SCN2A: variants seen among roughly 807,000 people sequenced by gnomAD.
SCN2A encodes the protein sodium channel protein type 2 subunit alpha.
A neutral mutation model predicts 188.7 loss-of-function variants in SCN2A; 20 were observed. The ratio of observed to expected loss-of-function variants is 0.11; its 90% CI spans 0.07 to 0.15. The LOEUF (loss-of-function observed/expected upper bound fraction) is 0.15, where lower values mean the gene tolerates loss of function less well. Among genes scored for constraint, SCN2A ranks in the 10% least tolerant of loss-of-function variants. SCN2A has a pLI of 1.00. For synonymous variants in SCN2A, 804 were observed against 833.1 expected (o/e 0.97, Z 0.60); for missense variants, 1,278 against 2,445.0 (o/e 0.52, Z 10.07).
chr2:165,347,447 T>TG (rs1368881822), intron 16 of SCN2A, among the ~76,000 whole-genome samples: 4 of 146,070 alleles, frequency 2.7e-5, no homozygotes, highest in African/African-American at 1.0e-4. Flanking sequence ...TGTCGAGGGG[T>TG]GGGGGGCTAG....
intron 26 of SCN2A, among the ~76,000 whole-genome samples, chr2:165,388,287 T>C (rs896062170): frequency 1.3e-5 from 2 of 152,150 alleles, no homozygotes; most frequent in African/African-American, 4.8e-5. Context: ...CTTATGCAAA[T>C]ACTAGAACTA....
At chr2:165,279,575 T>C (rs1265551507) in intron 1 of SCN2A, among the ~76,000 whole-genome samples, 1 of 152,070 alleles carries the variant, frequency 6.6e-6, no homozygotes, top group African/African-American at 2.4e-5. Flanking sequence ...AGTAATTATA[T>C]ATAAAATAGA....
chr2:165,265,026 G>C (rs963419161), intron 1 of SCN2A, among the ~76,000 whole-genome samples: 1 of 152,000 alleles, frequency 6.6e-6, no homozygotes, highest in African/African-American at 2.4e-5. Flanking sequence ...TCAGTCTTTA[G>C]TTGTTTGAGG....
At chr2:165,264,829 T>C (rs4667803) in intron 1 of SCN2A, among the ~76,000 whole-genome samples, 55,744 of 151,944 alleles carry the variant, frequency 0.37, 10,497 homozygotes, top group East Asian at 0.47. Flanking sequence ...CATAATATTC[T>C]GTGTTGTATA....
chr2:165,299,480 A>T (rs1317029719), intron 3 of SCN2A, among the ~76,000 whole-genome samples: 1 of 152,208 alleles, frequency 6.6e-6, no homozygotes, highest in Admixed American at 6.5e-5. Flanking sequence ...ATTAGATTTT[A>T]AAAAGTCTCT....
Position 165,290,770 on chromosome 2 carries a change from A to G in SCN2A, c.-51-5003A>G, listed in dbSNP as rs115967579. On this transcript the variant is annotated intron_variant, in intron 1 of 26. Transcript: ENST00000375437. ...CTTGATTGCAGTAGGACAACTTACT[A>G]TGGGGAAGGAATCTTGTAAGTATCT... 8.3e-4 allele frequency: 819 copies of G among 985,268 alleles called. 3 individuals carry two copies. In the African/African-American group the frequency reaches 0.013, roughly 15 times the overall value. 61.0% of individuals were successfully genotyped at this position (985,268 alleles called of 1,614,324 possible).
At chr2:165,343,195 G>A (rs756966033) in intron 15 of SCN2A, among the ~76,000 whole-genome samples, 2 of 152,110 alleles carry the variant, frequency 1.3e-5, no homozygotes, top group Admixed American at 6.6e-5. Flanking sequence ...GGCTGTACAC[G>A]GTTACTAAGG....
At chr2:165,244,089 A>G (rs1655839591) in intron 1 of SCN2A, among the ~76,000 whole-genome samples, 1 of 152,014 alleles carries the variant, frequency 6.6e-6, no homozygotes, top group African/African-American at 2.4e-5. Flanking sequence ...TAAAAATACA[A>G]AAATTGGCCA....
chr2:165,254,840 G>A (rs1381589255), intron 1 of SCN2A, among the ~76,000 whole-genome samples: 1 of 151,554 alleles, frequency 6.6e-6, no homozygotes, highest in Non-Finnish European at 1.5e-5. Flanking sequence ...ATGATTTTAT[G>A]ACCAGTATAT....
chr2:165,364,113 A>C (rs1700602050), intron 17 of SCN2A, among the ~76,000 whole-genome samples: 1 of 152,142 alleles, frequency 6.6e-6, no homozygotes, highest in South Asian at 2.1e-4. Context: ...TTCAGTGTGC[A>C]TTTTATCATG....
chr2:165,350,707 CGTGATCCGCCCGAGGCCTCCCAAA>C (rs1473437344), intron 16 of SCN2A, among the ~76,000 whole-genome samples: 1 of 3,316 alleles, frequency 3.0e-4, no homozygotes, highest in East Asian at 0.05. Context: ...CTCCTGACCT[CGTGATCCGCCCGAGGCCTCCCAAA>C]GTGCTGGGAT....
At chr2:165,358,396 T>A (rs1468436854) in intron 17 of SCN2A, among the ~76,000 whole-genome samples, 2 of 152,158 alleles carry the variant, frequency 1.3e-5, no homozygotes, top group African/African-American at 4.8e-5. Flanking sequence ...TGAATAGGAA[T>A]GTCTGTGTTT....
chr2:165,256,075 G>A (rs1369558531), intron 1 of SCN2A, among the ~76,000 whole-genome samples: 4 of 135,336 alleles, frequency 3.0e-5, no homozygotes, highest in Admixed American at 1.8e-4. Flanking sequence ...GCGCAGTCTC[G>A]GCTCACTACA....
rs150927391 is a variant in SCN2A at position 165,303,252 on chromosome 2, T to A, written c.387-4596T>A. On this transcript the variant is annotated intron_variant, in intron 3 of 26. Coordinates refer to ENST00000375437, the MANE Select transcript of SCN2A (RefSeq NM_001040142.2). ...TACCTACATTAAATACTTTTGTATTTGAGTTTTTGTTATTTGAGTTTTTTT... is the reference window on the plus strand; with the variant it reads ...TACCTACATTAAATACTTTTGTATTAGAGTTTTTGTTATTTGAGTTTTTTT... Among the ~76,000 whole-genome samples the A allele has an allele frequency of 5.8e-3, 879 of 150,780 alleles. 17 individuals are homozygous for A. Among genetic ancestry groups the A allele is most frequent in the African/African-American group, 0.02 (804 of 41,108 alleles).
chr2:165,277,601 A>T (rs973238515), intron 1 of SCN2A, among the ~76,000 whole-genome samples: 2 of 152,186 alleles, frequency 1.3e-5, no homozygotes, highest in Non-Finnish European at 2.9e-5. Flanking sequence ...ATTTATAAGA[A>T]ATAGTTCAAG....
intron 1 of SCN2A, chr2:165,271,762 A>G (rs1235280484): frequency 6.6e-6 from 1 of 151,994 alleles, no homozygotes. Flanking sequence ...AATTTCTATC[A>G]CTATAGCTTA....
chr2:165,276,974 G>C (rs1414111281), intron 1 of SCN2A, among the ~76,000 whole-genome samples: 1 of 152,080 alleles, frequency 6.6e-6, no homozygotes, highest in South Asian at 2.1e-4. Context: ...AGGAGATGGA[G>C]ACCATCCTGG....
intron 14 of SCN2A, among the ~76,000 whole-genome samples, chr2:165,335,701 A>T (rs1435961211): frequency 6.6e-6 from 1 of 151,846 alleles, no homozygotes; most frequent in African/African-American, 2.4e-5. Flanking sequence ...GATTTCTTAG[A>T]TATGATACCA....
chr2:165,243,009 G>C (rs1191188132), intron 1 of SCN2A, among the ~76,000 whole-genome samples: 2 of 152,188 alleles, frequency 1.3e-5, no homozygotes, highest in African/African-American at 4.8e-5. Context: ...ATCCTCAGTA[G>C]CAAAACACTT....
Sources: allele counts gnomAD v4.1 joint callset (sites outside exome capture counted in the v4.1 genomes callset), GRCh38; gene constraint gnomAD v4.1.1; transcripts MANE v1.5; gene names NCBI Gene and HGNC (gene_info 2026-07-23, HGNC 2026-07-21).